The following DCTN4 variants were observed in gnomAD, a reference collection of about 807,000 sequenced individuals.
DCTN4 encodes dynactin subunit 4, also known as dynactin 4 (p62).
A neutral mutation model predicts 62.7 loss-of-function variants in DCTN4; 23 were observed. The observed-to-expected ratio is 0.37, with a 90% CI of 0.26 to 0.52. The LOEUF is 0.52. Among genes scored for constraint, DCTN4 ranks in the 20% least tolerant of loss-of-function variants. The pLI is 0.92. For missense variants in DCTN4, 514 were observed against 580.4 expected, an observed-to-expected ratio of 0.89 and a Z score of 1.18; for synonymous variants, 199 against 202.1, an observed-to-expected ratio of 0.98 and a Z score of 0.13.
chr5:150,758,149 A>T (rs1024141881), intron 1 of DCTN4: 36 of 985,478 alleles, frequency 3.7e-5, no homozygotes, highest in Non-Finnish European at 4.2e-5. Flanking sequence ...AATAAACAAG[A>T]TGTGCCAAGC....
intron 8 of DCTN4, among the ~76,000 whole-genome samples, chr5:150,728,616 A>C (rs1411391771): frequency 1.3e-5 from 2 of 152,160 alleles, no homozygotes; most frequent in African/African-American, 4.8e-5. Flanking sequence ...TTCTTTGTAA[A>C]TTGAATCTTT....
chr5:150,756,821 T>C (rs1002055484), intron 1 of DCTN4, among the ~76,000 whole-genome samples: 4 of 152,308 alleles, frequency 2.6e-5, no homozygotes, highest in East Asian at 1.9e-4. Context: ...ATTTGTAACA[T>C]TGTGATAAAA....
At chr5:150,711,947 C>T (rs960537839) in intron 12 of DCTN4, among the ~76,000 whole-genome samples, 2 of 152,048 alleles carry the variant, frequency 1.3e-5, no homozygotes. Flanking sequence ...ATATACAGAT[C>T]ATCTACAATC....
At chr5:150,747,318 T>C (rs1358169491) in intron 3 of DCTN4, among the ~76,000 whole-genome samples, 2 of 152,250 alleles carry the variant, frequency 1.3e-5, no homozygotes, top group African/African-American at 2.4e-5. Flanking sequence ...GAACATTCCA[T>C]GCTCATGGGT....
intron 4 of DCTN4, among the ~76,000 whole-genome samples, chr5:150,736,538 C>CT (rs1164137334): frequency 6.6e-6 from 1 of 152,126 alleles, no homozygotes; most frequent in Non-Finnish European, 1.5e-5. Context: ...AGGATAAAGT[C>CT]TTTTTCAGAC....
chr5:150,739,110 G>A (rs1356698537), intron 4 of DCTN4, among the ~76,000 whole-genome samples: 2 of 151,944 alleles, frequency 1.3e-5, no homozygotes, highest in African/African-American at 4.8e-5. Context: ...GAACTTGAGA[G>A]GCAGAAGTTG....
chr5:150,752,717 A>T (rs945424825), intron 3 of DCTN4, among the ~76,000 whole-genome samples: 1 of 152,150 alleles, frequency 6.6e-6, no homozygotes, highest in Non-Finnish European at 1.5e-5. Context: ...TTTTATTTCT[A>T]CTATGAGAAT....
At chr5:150,738,217 T>C (rs1422409242) in intron 4 of DCTN4, among the ~76,000 whole-genome samples, 3 of 152,186 alleles carry the variant, frequency 2.0e-5, no homozygotes. Context: ...TGAATCCTAC[T>C]GAAACTATTC....
At chr5:150,750,687 A>G (rs890835021) in intron 3 of DCTN4, among the ~76,000 whole-genome samples, 2 of 152,228 alleles carry the variant, frequency 1.3e-5, no homozygotes, top group Admixed American at 6.5e-5. Flanking sequence ...CATTTGCTTA[A>G]AAGTGAAAAA....
chr5:150,752,935 C>T (rs979444357), intron 3 of DCTN4, among the ~76,000 whole-genome samples: 22 of 151,748 alleles, frequency 1.4e-4, no homozygotes, highest in Admixed American at 1.0e-3. Context: ...GGCCCGATCT[C>T]GGCTCACCGC....
chr5:150,739,045 G>T (rs1760680339), intron 4 of DCTN4, among the ~76,000 whole-genome samples: 1 of 152,036 alleles, frequency 6.6e-6, no homozygotes, highest in Non-Finnish European at 1.5e-5. Context: ...AATATGCGTG[G>T]TAGCGGGCGC....
At chr5:150,734,591 C>T (rs1274945990) in intron 4 of DCTN4, 1 of 152,262 alleles carries the variant, frequency 6.6e-6, no homozygotes, top group Non-Finnish European at 1.5e-5. Context: ...CAGAAACTTC[C>T]AGGTGAACTT....
chr5:150,729,656 C>G (rs551826305), intron 8 of DCTN4, among the ~76,000 whole-genome samples: 4 of 148,548 alleles, frequency 2.7e-5, no homozygotes, highest in African/African-American at 1.0e-4. Flanking sequence ...GTTGCCTAGG[C>G]TGGAGTGCAG....
At chr5:150,738,821 T>C (rs1240531801) in intron 4 of DCTN4, among the ~76,000 whole-genome samples, 2 of 152,196 alleles carry the variant, frequency 1.3e-5, no homozygotes, top group Admixed American at 6.5e-5. Flanking sequence ...AGTCAAACTG[T>C]TGCTGTTTGC....
rs764787717 is a variant in DCTN4, at chr5:150,711,217, C to T, written c.1315G>A (p.Asp439Asn). 6.2e-7 allele frequency: 1 copy of T among 1,612,816 alleles called. No homozygotes were observed. The highest frequency in any genetic ancestry group is 1.7e-5 in the Admixed American group (1 of 60,010). The change falls in exon 13 of 13, where the codon GAC becomes AAC. Residue 439 changes from aspartate (D) to asparagine (N), a missense_variant. Coordinates refer to ENST00000447998, the MANE Select transcript of DCTN4 (RefSeq NM_016221.4). ...AGCCAGATGACTTCTGTTCCCTGGT[C>T]ACTTTCTTCAATGGGGCGAATGGGG... ...AAPIRPIEESDQGTEVIWLTQ... is the reference protein window; with the variant it reads ...AAPIRPIEESNQGTEVIWLTQ...
chr5:150,722,821 G>A (rs1760001535), intron 9 of DCTN4, 86 bp downstream of exon 9: 2 of 931,366 alleles, frequency 2.1e-6, no homozygotes, highest in Non-Finnish European at 1.6e-6. Flanking sequence ...TTTAGGCCAA[G>A]AGTAAACACA....
intron 3 of DCTN4, among the ~76,000 whole-genome samples, chr5:150,745,246 CTAAA>C (rs1411670349): frequency 1.3e-5 from 2 of 150,240 alleles, no homozygotes; most frequent in Admixed American, 1.3e-4. Flanking sequence ...GCTAACTATC[CTAAA>C]TATATATGCA....
chr5:150,755,634 T>C, intron 2 of DCTN4: 17 of 453,282 alleles, frequency 3.8e-5, no homozygotes, highest in South Asian at 2.7e-4. Context: ...TCACCAGTAC[T>C]CCTCAATACT....
Position 150,714,757 on chromosome 5 carries a change from T to C in DCTN4, c.1169+808A>G, listed in dbSNP as rs535136252. 2.4e-4 allele frequency among the ~76,000 whole-genome samples: 36 copies of C among 152,244 alleles called. 1 individual carries two copies. The South Asian group carries it at 7.5e-3, about 32-fold the overall frequency. On this transcript the variant is annotated intron_variant, in intron 12 of 12. Coordinates refer to ENST00000447998, the MANE Select transcript of DCTN4 (RefSeq NM_016221.4). ...CTTGTATAATCATGCCACCCCTCCT[T>C]TGCCATCACGAGATGCCAGGACCAC... is the stretch of plus-strand genomic sequence containing the variant.
Sources: allele counts gnomAD v4.1 joint callset (sites outside exome capture counted in the v4.1 genomes callset), GRCh38; gene constraint gnomAD v4.1.1; transcripts MANE v1.5; gene names NCBI Gene and HGNC (gene_info 2026-07-23, HGNC 2026-07-21).